Variants in CDC73 observed in about 807,000 individuals in gnomAD.
CDC73 encodes the protein parafibromin.
A neutral mutation model predicts 83.7 loss-of-function variants in CDC73; 21 were observed. That is an observed-to-expected ratio of 0.25 (90% CI 0.18 to 0.36). The LOEUF is 0.36. Ranked by LOEUF, CDC73 falls within the 10% of genes least tolerant of loss-of-function variation. The probability of loss-of-function intolerance (pLI) is 1.00; values close to 1 mark genes in which losing one functional copy is unlikely to be tolerated. For synonymous variants in CDC73, 224 were observed against 212.9 expected (o/e 1.05, Z -0.45); for missense variants, 342 against 653.3 (o/e 0.52, Z 5.19).
chr1:193,240,944 C>A (rs1309413176), intron 15 of CDC73, among the ~76,000 whole-genome samples: 2 of 152,114 alleles, frequency 1.3e-5, no homozygotes, highest in African/African-American at 4.8e-5. Flanking sequence ...TTTCTGTGTT[C>A]TCTTGTATTC....
At chr1:193,212,322 CTT>C in intron 12 of CDC73, 66 bp from the exon 13 acceptor site, 3 of 1,036,894 alleles carry the variant, frequency 2.9e-6, no homozygotes, top group Non-Finnish European at 4.3e-6. Flanking sequence ...AATCTTTTAA[CTT>C]TTAGTAGAGA....
At chr1:193,131,281 C>G (rs1675689070) in intron 3 of CDC73, among the ~76,000 whole-genome samples, 1 of 152,188 alleles carries the variant, frequency 6.6e-6, no homozygotes, top group Non-Finnish European at 1.5e-5. Flanking sequence ...GTGAGACGCT[C>G]TTCCTGCAGT....
intron 10 of CDC73, among the ~76,000 whole-genome samples, chr1:193,197,145 AAG>A (rs918979584): frequency 1.3e-5 from 2 of 152,296 alleles, no homozygotes; most frequent in African/African-American, 4.8e-5. Flanking sequence ...GTTTTAATGA[AAG>A]AGTATTAATT....
At chr1:193,213,327 A>C (rs1454335749) in intron 13 of CDC73, among the ~76,000 whole-genome samples, 4 of 151,838 alleles carry the variant, frequency 2.6e-5, no homozygotes, top group African/African-American at 9.7e-5. Flanking sequence ...AATGCTATCA[A>C]GTTTTTTAGA....
intron 6 of CDC73, among the ~76,000 whole-genome samples, 159 bp from the exon 7 acceptor site, chr1:193,141,691 T>C (rs867762967): frequency 6.6e-6 from 1 of 152,218 alleles, no homozygotes; most frequent in Non-Finnish European, 1.5e-5. Context: ...ATAAAAATTT[T>C]ATATAATTGC....
At chr1:193,128,340 C>T (rs1175962251) in intron 2 of CDC73, among the ~76,000 whole-genome samples, 2 of 152,010 alleles carry the variant, frequency 1.3e-5, no homozygotes, top group East Asian at 3.9e-4. Flanking sequence ...GTCACCCAGG[C>T]TGGAGTGCAG....
intron 10 of CDC73, among the ~76,000 whole-genome samples, chr1:193,173,324 A>G (rs1676550538): frequency 6.6e-6 from 1 of 152,180 alleles, no homozygotes; most frequent in African/African-American, 2.4e-5. Flanking sequence ...CATCACACAG[A>G]TTGTATAATT....
intron 3 of CDC73, among the ~76,000 whole-genome samples, chr1:193,135,066 A>T (rs961285941): frequency 6.6e-6 from 1 of 152,094 alleles, no homozygotes; most frequent in Non-Finnish European, 1.5e-5. Context: ...GTGTGTATAT[A>T]TATATTTATG....
chr1:193,144,637 ATC>A (rs1321975407), intron 7 of CDC73, among the ~76,000 whole-genome samples: 2 of 152,156 alleles, frequency 1.3e-5, no homozygotes, highest in Non-Finnish European at 2.9e-5. Context: ...ATTTTGTTAA[ATC>A]TTGACCCTCA....
chr1:193,195,388 C>A (rs1676985037), intron 10 of CDC73, among the ~76,000 whole-genome samples: 1 of 151,988 alleles, frequency 6.6e-6, no homozygotes, highest in South Asian at 2.1e-4. Context: ...TATAATTTAT[C>A]TGTTCATGTG....
intron 13 of CDC73, among the ~76,000 whole-genome samples, chr1:193,232,457 TACACAC>T (rs142845942): frequency 2.0e-5 from 3 of 150,364 alleles, no homozygotes; most frequent in East Asian, 3.9e-4. Flanking sequence ...TACACACACA[TACACAC>T]ACACACACAC....
At chr1:193,164,615 A>T (rs1371393258) in intron 10 of CDC73, among the ~76,000 whole-genome samples, 1 of 152,100 alleles carries the variant, frequency 6.6e-6, no homozygotes, top group African/African-American at 2.4e-5. Flanking sequence ...GTTTAGTGGT[A>T]TTAAAGTAGT....
intron 10 of CDC73, chr1:193,178,939 TG>T (rs1049093237): frequency 1.3e-5 from 2 of 152,214 alleles, no homozygotes; most frequent in African/African-American, 4.8e-5. Flanking sequence ...TTTACATACT[TG>T]TATGGAATAA....
chr1:193,128,631 C>CA (rs2103116559), intron 2 of CDC73, among the ~76,000 whole-genome samples: 2 of 151,960 alleles, frequency 1.3e-5, no homozygotes, highest in East Asian at 3.9e-4. Context: ...AATACAAGCA[C>CA]AAAAAAACTC....
intron 2 of CDC73, among the ~76,000 whole-genome samples, chr1:193,127,289 A>ATGTGTGTGTGTG (rs34948918): frequency 4.0e-4 from 58 of 143,260 alleles, no homozygotes; most frequent in Admixed American, 2.9e-3. Flanking sequence ...AAAAAAAAAA[A>ATGTGTGTGTGTG]TGTGTGTGTG....
At chr1:193,143,600 G>GC (rs1487455817) in intron 7 of CDC73, among the ~76,000 whole-genome samples, 4 of 152,056 alleles carry the variant, frequency 2.6e-5, no homozygotes, top group African/African-American at 9.7e-5. Context: ...AGCTAGGCTT[G>GC]CCTGAGTATT....
In CDC73 at chr1:193,250,792, C is replaced by A; in HGVS notation, c.*80C>A. ...AAGAACTTAAAAATGAAGAAGGTCA[C>A]AGATTGATCTTTTATAAGACCTTAT... is the stretch of plus-strand genomic sequence containing the variant. On this transcript the variant is annotated 3_prime_UTR_variant, in exon 17 of 17. Coordinates refer to ENST00000367435, the MANE Select transcript of CDC73 (RefSeq NM_024529.5). 8.2e-7 allele frequency: 1 copy of A among 1,226,104 alleles called. No homozygotes were observed. The highest frequency in any genetic ancestry group is 1.2e-6 in the Non-Finnish European group (1 of 830,692). 76.0% of individuals were successfully genotyped at this position (1,226,104 alleles called of 1,614,324 possible). A position where few individuals can be genotyped will look rare whatever the true frequency, so the allele number is the denominator to read the frequency against.
chr1:193,182,307 A>G (rs1303817114), intron 10 of CDC73, among the ~76,000 whole-genome samples: 2 of 152,170 alleles, frequency 1.3e-5, no homozygotes, highest in African/African-American at 4.8e-5. Flanking sequence ...TTTAGACAGT[A>G]ATAAATGATT....
At chr1:193,172,414 G>A (rs1326580398) in intron 10 of CDC73, among the ~76,000 whole-genome samples, 1 of 152,040 alleles carries the variant, frequency 6.6e-6, no homozygotes, top group Non-Finnish European at 1.5e-5. Flanking sequence ...TGACAGATTA[G>A]GAGAGCAGGA....
Sources: gnomAD v4.1 joint callset for allele counts (sites outside exome capture counted in the v4.1 genomes callset) on GRCh38, gnomAD v4.1.1 for gene constraint, MANE v1.5 for transcripts, NCBI Gene and HGNC (gene_info 2026-07-23, HGNC 2026-07-21) for gene names.